The following LYPLAL1 variants were observed in gnomAD, a reference collection of about 807,000 sequenced individuals.
LYPLAL1 encodes lysophospholipase like 1, also known as lysophospholipase-like protein 1.
In LYPLAL1, 23 loss-of-function variants were observed where a neutral mutation model predicts 19.7. That is an observed-to-expected ratio of 1.17 (90% CI 0.84 to 1.65). The LOEUF is 1.65. Ranked by LOEUF, LYPLAL1 falls within the 40% of genes most tolerant of loss-of-function variation. The pLI, the probability that LYPLAL1 is intolerant of heterozygous loss-of-function variation, is 0.00. For synonymous variants in LYPLAL1, 119 were observed against 96.3 expected (o/e 1.24, Z -1.38); for missense variants, 355 against 279.4 (o/e 1.27, Z -1.93).
At chr1:219,444,959 G>T in the LYPLAL1 span, among the ~76,000 whole-genome samples, 7 of 151,796 alleles carry the variant, frequency 4.6e-5, no homozygotes, top group Non-Finnish European at 1.0e-4. Context: ...TTTGTTAAAA[G>T]TCCAAAATGT....
chr1:219,366,747 CTG>C, the LYPLAL1 span, among the ~76,000 whole-genome samples: 1 of 152,010 alleles, frequency 6.6e-6, no homozygotes, highest in Non-Finnish European at 1.5e-5. Context: ...GGGAGGAAAA[CTG>C]TATGGATGGG....
the LYPLAL1 span, among the ~76,000 whole-genome samples, chr1:219,279,283 A>G: frequency 6.6e-6 from 1 of 152,208 alleles, no homozygotes; most frequent in African/African-American, 2.4e-5. Context: ...CAATGCTCCT[A>G]TATGACTCCA....
the LYPLAL1 span, among the ~76,000 whole-genome samples, chr1:219,332,874 T>G: frequency 7.4e-6 from 1 of 135,646 alleles, no homozygotes; most frequent in African/African-American, 2.7e-5. Context: ...TATCAGAGGC[T>G]CTGGGGGAGA....
At chr1:219,259,914 A>G in the LYPLAL1 span, among the ~76,000 whole-genome samples, 1 of 148,252 alleles carries the variant, frequency 6.7e-6, no homozygotes, top group Non-Finnish European at 1.5e-5. Flanking sequence ...AATATGACTA[A>G]AAGAAGTTTG....
the LYPLAL1 span, among the ~76,000 whole-genome samples, chr1:219,235,563 TG>T: frequency 1.3e-5 from 2 of 152,204 alleles, no homozygotes; most frequent in Admixed American, 6.5e-5. Context: ...AACATGTTTT[TG>T]CAGAGTAGAA....
chr1:219,375,890 C>T, the LYPLAL1 span, among the ~76,000 whole-genome samples: 495 of 152,048 alleles, frequency 3.3e-3, 3 homozygotes, highest in African/African-American at 0.011. Context: ...TACAGGCGCC[C>T]GCCACCACGC....
the LYPLAL1 span, among the ~76,000 whole-genome samples, chr1:219,311,047 T>G: frequency 9.8e-5 from 15 of 152,342 alleles, no homozygotes; most frequent in African/African-American, 3.6e-4. Flanking sequence ...TCATTTTGGT[T>G]TATCCATTCT....
At chr1:219,290,542 T>C in the LYPLAL1 span, among the ~76,000 whole-genome samples, 1 of 152,178 alleles carries the variant, frequency 6.6e-6, no homozygotes, top group African/African-American at 2.4e-5. Context: ...CACAAACCCT[T>C]ATAGCAGAGC....
chr1:219,335,852 G>A, the LYPLAL1 span, among the ~76,000 whole-genome samples: 3 of 151,674 alleles, frequency 2.0e-5, no homozygotes, highest in African/African-American at 4.8e-5. Flanking sequence ...TTAGCACAAC[G>A]AAGTAAGTTG....
At chr1:219,428,562 AC>A in the LYPLAL1 span, among the ~76,000 whole-genome samples, 1 of 152,178 alleles carries the variant, frequency 6.6e-6, no homozygotes, top group African/African-American at 2.4e-5. Flanking sequence ...CCAGCCCCTG[AC>A]CTTAAAGAGC....
At chr1:219,356,423 C>T in the LYPLAL1 span, among the ~76,000 whole-genome samples, 1 of 152,100 alleles carries the variant, frequency 6.6e-6, no homozygotes, top group Non-Finnish European at 1.5e-5. Context: ...TCGCTTGAAC[C>T]CGGGAGGCGG....
At chr1:219,324,147 C>T in the LYPLAL1 span, among the ~76,000 whole-genome samples, 5 of 152,218 alleles carry the variant, frequency 3.3e-5, no homozygotes, top group South Asian at 2.1e-4. Flanking sequence ...AGAATGTGAC[C>T]AGATGGTTGT....
At chr1:219,419,612 G>GAGAC in the LYPLAL1 span, among the ~76,000 whole-genome samples, 16 of 149,368 alleles carry the variant, frequency 1.1e-4, no homozygotes, top group African/African-American at 4.0e-4. Context: ...GAGAGAGAGA[G>GAGAC]ACAAATGTGC....
the LYPLAL1 span, among the ~76,000 whole-genome samples, chr1:219,373,015 C>G: frequency 6.6e-6 from 1 of 152,180 alleles, no homozygotes; most frequent in African/African-American, 2.4e-5. Flanking sequence ...CAACATTGTC[C>G]TAAAGGCAAA....
the LYPLAL1 span, among the ~76,000 whole-genome samples, chr1:219,440,008 TATATACACACACAC>T: frequency 3.9e-5 from 4 of 102,538 alleles, no homozygotes; most frequent in African/African-American, 1.5e-4. Flanking sequence ...TATATATATA[TATATACACACACAC>T]ACATATATAT....
At chr1:219,277,863 T>C in the LYPLAL1 span, among the ~76,000 whole-genome samples, 1 of 152,152 alleles carries the variant, frequency 6.6e-6, no homozygotes, top group Non-Finnish European at 1.5e-5. Flanking sequence ...CAAAAACAAA[T>C]CTGGGGACTT....
the LYPLAL1 span, among the ~76,000 whole-genome samples, chr1:219,259,175 C>T: frequency 2.0e-5 from 3 of 151,824 alleles, no homozygotes; most frequent in South Asian, 6.2e-4. Context: ...GAAATGTAAA[C>T]TAGTACAACC....
the LYPLAL1 span, among the ~76,000 whole-genome samples, chr1:219,441,932 C>T: frequency 6.6e-6 from 1 of 152,086 alleles, no homozygotes; most frequent in East Asian, 1.9e-4. Context: ...ATCCCCACTG[C>T]AAAGAATCAA....
chr1:219,287,709 A>G, the LYPLAL1 span, among the ~76,000 whole-genome samples: 2 of 152,208 alleles, frequency 1.3e-5, no homozygotes, highest in Non-Finnish European at 2.9e-5. Flanking sequence ...ATTCCTTACC[A>G]TGTGATATAG....
Sources: allele counts gnomAD v4.1 joint callset (sites outside exome capture counted in the v4.1 genomes callset), GRCh38; gene constraint gnomAD v4.1.1; transcripts MANE v1.5; gene names NCBI Gene and HGNC (gene_info 2026-07-23, HGNC 2026-07-21).